The following AIF1L variants were observed in gnomAD, a reference collection of about 807,000 sequenced individuals.
The protein encoded by AIF1L is allograft inflammatory factor 1-like.
A neutral mutation model predicts 20.7 loss-of-function variants in AIF1L; 12 were observed. The ratio of observed to expected loss-of-function variants is 0.58; its 90% CI spans 0.37 to 0.94. The LOEUF is 0.94. AIF1L is among the 40% of genes least tolerant of loss of function. The pLI is 0.01. For synonymous variants in AIF1L, 76 were observed against 65.1 expected, an observed-to-expected ratio of 1.17 and a Z score of -0.81; for missense variants, 173 against 185.3, an observed-to-expected ratio of 0.93 and a Z score of 0.39.
intron 2 of AIF1L, among the ~76,000 whole-genome samples, chr9:131,101,042 C>T (rs969906299): frequency 1.3e-5 from 2 of 152,062 alleles, no homozygotes; most frequent in African/African-American, 2.4e-5. Flanking sequence ...GAACTATAGG[C>T]GCGCACCACC....
intron 2 of AIF1L, among the ~76,000 whole-genome samples, chr9:131,101,710 G>T (rs76398326): frequency 0.013 from 1,906 of 152,256 alleles, 14 homozygotes; most frequent in Non-Finnish European, 0.018. Context: ...AGGTCACCCA[G>T]CCAGGAAGTG....
chr9:131,106,048 G>A (rs1830740120), intron 2 of AIF1L: 2 of 914,332 alleles, frequency 2.2e-6, no homozygotes, highest in Admixed American at 2.7e-5. Context: ...CAAACTTCTG[G>A]CCTCAAGTGA....
At chr9:131,102,129 T>C (rs892220931) in intron 2 of AIF1L, among the ~76,000 whole-genome samples, 3 of 152,268 alleles carry the variant, frequency 2.0e-5, no homozygotes, top group Middle Eastern at 3.4e-3. Context: ...GCCAGGCTGG[T>C]CTCGAACTCC....
intron 4 of AIF1L, among the ~76,000 whole-genome samples, chr9:131,115,888 T>C (rs353520): frequency 0.97 from 147,082 of 151,278 alleles, 71,653 homozygotes; most frequent in East Asian, 1. Flanking sequence ...GCAGGAGAAT[T>C]GCTTTAACCC....
intron 2 of AIF1L, among the ~76,000 whole-genome samples, chr9:131,102,454 T>C (rs1469260377): frequency 6.6e-6 from 1 of 152,208 alleles, no homozygotes; most frequent in Non-Finnish European, 1.5e-5. Flanking sequence ...CCCACCTCTC[T>C]TGCTCTTCCT....
rs1205258679 is a variant in AIF1L at position 131,122,739 on chromosome 9, G to A, written c.*2417G>A. 1.3e-5 allele frequency: 2 copies of A among 152,296 alleles called. No individual in the cohort carries two copies. The highest frequency in any genetic ancestry group is 3.8e-4 in the East Asian group (2 of 5,200). 9.4% of individuals were successfully genotyped at this position (152,296 alleles called of 1,614,324 possible). On this transcript the variant is annotated 3_prime_UTR_variant, in exon 6 of 6. Transcript: ENST00000247291. ...AGCTTCTGGAAATGGCAGAAGAGAG[G>A]GTTTTCTCATTGAATGGGGGTGGGG...
chr9:131,108,954 A>G (rs543444979), intron 2 of AIF1L, among the ~76,000 whole-genome samples: 4 of 152,320 alleles, frequency 2.6e-5, no homozygotes, highest in East Asian at 3.9e-4. Context: ...GGAGTTTGCA[A>G]CAATAGACTA....
At chr9:131,111,527 A>T in intron 2 of AIF1L, 70 bp from the exon 3 acceptor site, 1 of 1,413,292 alleles carries the variant, frequency 7.1e-7, no homozygotes. Context: ...AGGCCCCCGG[A>T]CAGTGGGCCC....
intron 2 of AIF1L, 91 bp from the exon 3 acceptor site, chr9:131,111,506 G>T (rs1316334691): frequency 5.0e-6 from 6 of 1,208,902 alleles, no homozygotes; most frequent in Middle Eastern, 2.0e-4. Context: ...CTGGTTACCC[G>T]ATAGGAGGGA....
At chr9:131,101,239 C>T (rs944807451) in intron 2 of AIF1L, among the ~76,000 whole-genome samples, 1 of 152,128 alleles carries the variant, frequency 6.6e-6, no homozygotes, top group African/African-American at 2.4e-5. Context: ...TGGCTGTGCT[C>T]CATGCCCACA....
chr9:131,106,207 C>G, intron 2 of AIF1L: 1 of 1,535,660 alleles, frequency 6.5e-7, no homozygotes, highest in Non-Finnish European at 8.7e-7. Flanking sequence ...GGGAGGGAGC[C>G]GCAGCTACAG....
intron 2 of AIF1L, among the ~76,000 whole-genome samples, chr9:131,098,902 C>A (rs1046374637): frequency 6.6e-6 from 1 of 152,134 alleles, no homozygotes; most frequent in Non-Finnish European, 1.5e-5. Flanking sequence ...ACAGCCCAGC[C>A]GCTGTAGGGC....
At chr9:131,116,958 C>T (rs774884405) in intron 4 of AIF1L, among the ~76,000 whole-genome samples, 28 of 152,324 alleles carry the variant, frequency 1.8e-4, no homozygotes, top group African/African-American at 2.9e-4. Context: ...GCATTGGCTG[C>T]GCCACGGCCC....
At chr9:131,109,666 G>A (rs1291914675) in intron 2 of AIF1L, among the ~76,000 whole-genome samples, 1 of 152,228 alleles carries the variant, frequency 6.6e-6, no homozygotes, top group Non-Finnish European at 1.5e-5. Context: ...TTCCCCATCT[G>A]AATACAGGTT....
At position 131,120,403 on chromosome 9, in the gene AIF1L, C is replaced by G; in HGVS notation, c.*81C>G. 3 of 1,112,600 alleles carry G rather than the reference C, an allele frequency of 2.7e-6. No homozygotes were observed. Among genetic ancestry groups the G allele is most frequent in the Non-Finnish European group, 3.9e-6 (3 of 777,708 alleles). 68.9% of individuals were successfully genotyped at this position (1,112,600 alleles called of 1,614,324 possible). ...TGCCCTTCTTGACACACTGTGATCT[C>G]TCTCTCTCTCATTTGTTTGGTCATT... On this transcript the variant is annotated 3_prime_UTR_variant, in exon 6 of 6. Coordinates refer to ENST00000247291, the MANE Select transcript of AIF1L (RefSeq NM_031426.4).
chr9:131,102,138 C>T (rs1830651731), intron 2 of AIF1L, among the ~76,000 whole-genome samples: 1 of 152,166 alleles, frequency 6.6e-6, no homozygotes, highest in Non-Finnish European at 1.5e-5. Flanking sequence ...GTCTCGAACT[C>T]CTGACCTCAA....
intron 2 of AIF1L, among the ~76,000 whole-genome samples, chr9:131,103,965 G>A (rs748697): frequency 0.1 from 15,483 of 152,248 alleles, 942 homozygotes; most frequent in African/African-American, 0.18. Context: ...TGAACAAGGA[G>A]GGCAAGCTGA....
chr9:131,120,547 C>A lies in AIF1L; in HGVS notation c.*225C>A. On this transcript the variant is annotated 3_prime_UTR_variant, in exon 6 of 6. Transcript: ENST00000247291. ...CCCTCCCTCTCTTCTTCCCTCCTTC[C>A]CCGCTCCCTGTGCAGAAGGGCTGAC... is the stretch of plus-strand genomic sequence containing the variant. The A allele has an allele frequency of 2.0e-6, 1 of 489,898 alleles. No homozygotes were observed. 30.3% of individuals were successfully genotyped at this position (489,898 alleles called of 1,614,324 possible).
In AIF1L at chr9:131,111,808, A is replaced by AGACAGG. The variant is rs1269745705; in HGVS notation, c.160+149_160+154dup. 33 of 837,574 alleles carry AGACAGG rather than the reference A, an allele frequency of 3.9e-5. No individual in the cohort carries two copies. The Admixed American group carries it at 7.7e-4, about 20-fold the overall frequency. 51.9% of individuals were successfully genotyped at this position (837,574 alleles called of 1,614,324 possible). ...GCCCTTCTTCCTGGAGAAGGCTTGG[A>AGACAGG]GACAGGGACCCCCTGAGAGGTGGGG... On this transcript the variant is annotated intron_variant, in intron 3 of 5. Coordinates refer to ENST00000247291, the MANE Select transcript of AIF1L (RefSeq NM_031426.4).
Sources: gnomAD v4.1 joint callset for allele counts (sites outside exome capture counted in the v4.1 genomes callset) on GRCh38, gnomAD v4.1.1 for gene constraint, MANE v1.5 for transcripts, NCBI Gene and HGNC (gene_info 2026-07-23, HGNC 2026-07-21) for gene names.